ERBB4: variants seen among roughly 807,000 people sequenced by gnomAD.
ERBB4 encodes the protein erb-b2 receptor tyrosine kinase 4.
In ERBB4, 42 loss-of-function variants were observed where a neutral mutation model predicts 158.0. That is an observed-to-expected ratio of 0.27 (90% confidence interval 0.21 to 0.34). The LOEUF (loss-of-function observed/expected upper bound fraction) is 0.34, where lower values mean the gene tolerates loss of function less well. ERBB4 is among the 10% of genes least tolerant of loss of function. The pLI is 1.00. For missense variants in ERBB4, 1,333 were observed against 1,624.1 expected, an observed-to-expected ratio of 0.82 and a Z score of 3.08; for synonymous variants, 583 against 558.7, an observed-to-expected ratio of 1.04 and a Z score of -0.61.
chr2:211,758,647 T>C (rs2075338726), intron 4 of ERBB4, among the ~76,000 whole-genome samples: 1 of 152,224 alleles, frequency 6.6e-6, no homozygotes, highest in South Asian at 2.1e-4. Flanking sequence ...TATACTGAGA[T>C]GTGTCAGCTT....
At chr2:212,374,199 G>A (rs1019331508) in intron 1 of ERBB4, among the ~76,000 whole-genome samples, 1 of 150,398 alleles carries the variant, frequency 6.6e-6, no homozygotes, top group Non-Finnish European at 1.5e-5. Context: ...ACATTATTCA[G>A]TGGCTAATTT....
At chr2:212,357,566 T>C (rs2089510416) in intron 1 of ERBB4, among the ~76,000 whole-genome samples, 1 of 151,898 alleles carries the variant, frequency 6.6e-6, no homozygotes, top group Non-Finnish European at 1.5e-5. Context: ...CCTTTCTTTT[T>C]CCCATATTCA....
At chr2:212,050,672 AT>A (rs112969274) in intron 2 of ERBB4, among the ~76,000 whole-genome samples, 14 of 152,354 alleles carry the variant, frequency 9.2e-5, no homozygotes, top group African/African-American at 3.1e-4. Context: ...AAAATTAAGT[AT>A]TACTGTCTTA....
chr2:211,417,597 T>TAAAC (rs2063422187), intron 25 of ERBB4, among the ~76,000 whole-genome samples: 1 of 152,226 alleles, frequency 6.6e-6, no homozygotes, highest in South Asian at 2.1e-4. Flanking sequence ...TGGACAAATA[T>TAAAC]AAACATTGTA....
chr2:212,393,604 T>G (rs2090942355), intron 1 of ERBB4, among the ~76,000 whole-genome samples: 1 of 152,082 alleles, frequency 6.6e-6, no homozygotes, highest in Non-Finnish European at 1.5e-5. Flanking sequence ...CTTGTCTCTA[T>G]GATACATATG....
At chr2:212,461,666 A>G (rs892415736) in intron 1 of ERBB4, among the ~76,000 whole-genome samples, 4 of 152,102 alleles carry the variant, frequency 2.6e-5, no homozygotes, top group African/African-American at 9.7e-5. Flanking sequence ...GGGAGGCATA[A>G]TTGGTTCCAA....
chr2:212,326,009 A>T (rs970596447), intron 1 of ERBB4, among the ~76,000 whole-genome samples: 1 of 150,600 alleles, frequency 6.6e-6, no homozygotes, highest in African/African-American at 2.4e-5. Context: ...AGCTCCAATA[A>T]GCCCTTAAGT....
chr2:211,597,832 T>A (rs1045954784), intron 19 of ERBB4, among the ~76,000 whole-genome samples: 1 of 152,140 alleles, frequency 6.6e-6, no homozygotes. Flanking sequence ...ATCAATAGAT[T>A]TTTTAATTCA....
At position 211,562,073 on chromosome 2, in the gene ERBB4, C is replaced by T. The variant is rs201419322; in HGVS notation, c.2317G>A (p.Ala773Thr). Reference sequence around the variant, plus strand: ...ACTAGGTGTGGATGATCCATACTTGCCATGATCAGAGCTTCCTGTAAGAAA... The same window carrying T: ...ACTAGGTGTGGATGATCCATACTTGTCATGATCAGAGCTTCCTGTAAGAAA... The part of the protein sequence containing the change: ...VEFMDEALIM[A>T]SMDHPHLVRL... The change falls in exon 20 of 28, where the codon GCA (alanine) becomes ACA (threonine). Residue 773 changes from alanine (A) to threonine (T), a missense_variant. By Grantham distance (58) the Ala-to-Thr change is moderately conservative. This residue lies in a region of ERBB4 where 314 missense variants were observed against 437.6 expected (regional missense o/e 0.72). Coordinates refer to ENST00000342788, the MANE Select transcript of ERBB4 (RefSeq NM_005235.3). 2.5e-6 allele frequency: 4 copies of T among 1,613,504 alleles called. No homozygotes were observed. In the Admixed American group the frequency reaches 5.0e-5, roughly 20 times the overall value.
At chr2:211,703,870 C>T (rs1314365945) in intron 11 of ERBB4, among the ~76,000 whole-genome samples, 4 of 152,270 alleles carry the variant, frequency 2.6e-5, no homozygotes, top group Non-Finnish European at 1.5e-5. Flanking sequence ...TCCATACTTG[C>T]AAAATACTAA....
chr2:212,316,315 C>T (rs1470508841), intron 1 of ERBB4, among the ~76,000 whole-genome samples: 1 of 151,292 alleles, frequency 6.6e-6, no homozygotes, highest in African/African-American at 2.4e-5. Context: ...TTTTGGATGC[C>T]GTAGAAATGT....
At chr2:212,481,059 T>C (rs1689669349) in intron 1 of ERBB4, among the ~76,000 whole-genome samples, 1 of 152,178 alleles carries the variant, frequency 6.6e-6, no homozygotes, top group Non-Finnish European at 1.5e-5. Flanking sequence ...TAAGTGTACA[T>C]GTGTGCATAC....
chr2:211,528,440 G>A (rs2066409649), intron 20 of ERBB4, among the ~76,000 whole-genome samples: 1 of 151,944 alleles, frequency 6.6e-6, no homozygotes. Context: ...TTTCAGCATT[G>A]GACAGATCTT....
In ERBB4 at chr2:211,623,043, AT is replaced by A. The variant is rs2069693685; in HGVS notation, c.2202+878del. 8.5e-5 allele frequency among the ~76,000 whole-genome samples: 9 copies of A among 106,232 alleles called. 1 individual carries two copies. The South Asian group carries it at 2.7e-3, about 32-fold the overall frequency. 69.7% of individuals were successfully genotyped at this position (106,232 alleles called of 152,430 possible). On this transcript the variant is annotated intron_variant, in intron 18 of 27. Transcript: ENST00000342788. Reference sequence around the variant, plus strand: ...TATATATATATATATATATATATATATAAAATGCCAAAGTAACTTTTGGGAA... The same window carrying A: ...TATATATATATATATATATATATATAAAAATGCCAAAGTAACTTTTGGGAA...
At chr2:211,885,748 C>T (rs1211551197) in intron 3 of ERBB4, among the ~76,000 whole-genome samples, 2 of 152,136 alleles carry the variant, frequency 1.3e-5, no homozygotes, top group Non-Finnish European at 2.9e-5. Flanking sequence ...TGTGAGCCAC[C>T]GTGCCTGGCC....
chr2:212,087,490 T>G (rs538096287), intron 2 of ERBB4, among the ~76,000 whole-genome samples: 1 of 152,198 alleles, frequency 6.6e-6, no homozygotes, highest in Non-Finnish European at 1.5e-5. Context: ...TGGCACATAG[T>G]AAGTGCTTAA....
Position 211,513,377 on chromosome 2 carries a change from C to CAACAAAAAA in ERBB4, c.2487+48525_2487+48526insTTTTTTGTT, listed in dbSNP as rs1553554075. On this transcript the variant is annotated intron_variant, in intron 20 of 27. Transcript: ENST00000342788. ...CGTCTCAAAAAAAAAAAAAAAAAAA[C>CAACAAAAAA]AAAAAAAAAACACTGATCCTAGAAG... 6.6e-3 allele frequency among the ~76,000 whole-genome samples: 369 copies of CAACAAAAAA among 55,788 alleles called. 2 individuals are homozygous for CAACAAAAAA. Among genetic ancestry groups the CAACAAAAAA allele is most frequent in the African/African-American group, 0.017 (342 of 20,228 alleles). The allele number at this position is 55,788 out of a possible 152,430, so 36.6% of individuals were successfully genotyped here.
At chr2:211,532,240 T>C (rs1381942662) in intron 20 of ERBB4, among the ~76,000 whole-genome samples, 1 of 151,984 alleles carries the variant, frequency 6.6e-6, no homozygotes, top group Non-Finnish European at 1.5e-5. Flanking sequence ...AAGATGCCTA[T>C]CGTCAATAAT....
At chr2:212,261,669 A>T (rs2084949351) in intron 1 of ERBB4, among the ~76,000 whole-genome samples, 1 of 152,166 alleles carries the variant, frequency 6.6e-6, no homozygotes, top group African/African-American at 2.4e-5. Context: ...CTTAGTGCTC[A>T]GATGCTTTAA....
Sources: allele counts gnomAD v4.1 joint callset (sites outside exome capture counted in the v4.1 genomes callset), GRCh38; gene constraint gnomAD v4.1.1; regional missense constraint gnomAD v4.1.1; transcripts MANE v1.5; gene names NCBI Gene and HGNC (gene_info 2026-07-23, HGNC 2026-07-21).